The following KCNJ6 variants were observed in gnomAD, a reference collection of about 807,000 sequenced individuals.
KCNJ6 encodes potassium inwardly rectifying channel subfamily J member 6, also known as G protein-activated inward rectifier potassium channel 2.
A neutral mutation model predicts 34.2 loss-of-function variants in KCNJ6; 9 were observed. The ratio of observed to expected loss-of-function variants is 0.26; its 90% CI spans 0.16 to 0.46. The LOEUF (loss-of-function observed/expected upper bound fraction) is 0.46. KCNJ6 is among the 20% of genes least tolerant of loss of function. The probability of loss-of-function intolerance (pLI) is 1.00; values close to 1 mark genes in which losing one functional copy is unlikely to be tolerated. For missense variants in KCNJ6, 236 were observed against 531.3 expected, an observed-to-expected ratio of 0.44 and a Z score of 5.46; for synonymous variants, 196 against 207.1, an observed-to-expected ratio of 0.95 and a Z score of 0.46.
intron 3 of KCNJ6, among the ~76,000 whole-genome samples, chr21:37,692,479 C>T (rs1207109594): frequency 6.6e-6 from 1 of 152,292 alleles, no homozygotes; most frequent in Non-Finnish European, 1.5e-5. Flanking sequence ...AAGGATGTTG[C>T]CTCTATCCCA....
chr21:37,913,043 A>G (rs942348168), intron 1 of KCNJ6, among the ~76,000 whole-genome samples: 2 of 152,158 alleles, frequency 1.3e-5, no homozygotes, highest in Non-Finnish European at 2.9e-5. Context: ...TTCAAAGTAT[A>G]CCTTGTAACA....
intron 3 of KCNJ6, among the ~76,000 whole-genome samples, chr21:37,694,380 G>A (rs540014889): frequency 2.0e-4 from 30 of 152,222 alleles, no homozygotes; most frequent in Non-Finnish European, 3.4e-4. Context: ...GGCATGGCCA[G>A]CTTTGGAGAA....
At chr21:37,705,440 C>T (rs1293881686) in intron 3 of KCNJ6, among the ~76,000 whole-genome samples, 8 of 152,200 alleles carry the variant, frequency 5.3e-5, no homozygotes, top group African/African-American at 1.9e-4. Flanking sequence ...CCATGCAAAA[C>T]ATCTAATAAG....
In KCNJ6 at chr21:37,620,043, G is replaced by T. The variant is rs143448995; in HGVS notation, c.*5116C>A. On this transcript the variant is annotated 3_prime_UTR_variant, in exon 4 of 4. Transcript: ENST00000609713. ...TCTCTTTGACAACCGAAAAAAAAGA[G>T]TTATGTTATTTTGAACAGACTTATG... 10 of 152,188 alleles carry T rather than the reference G, an allele frequency of 6.6e-5. No individual in the cohort carries two copies. Among genetic ancestry groups the T allele is most frequent in the African/African-American group, 2.2e-4 (9 of 41,500 alleles). 9.4% of individuals were successfully genotyped at this position (152,188 alleles called of 1,614,324 possible).
At chr21:37,800,691 C>T (rs1269135540) in intron 2 of KCNJ6, among the ~76,000 whole-genome samples, 1 of 152,202 alleles carries the variant, frequency 6.6e-6, no homozygotes, top group Non-Finnish European at 1.5e-5. Context: ...ATATCATTCT[C>T]TCTGAAGGCA....
At chr21:37,694,025 A>C (rs2054652698) in intron 3 of KCNJ6, among the ~76,000 whole-genome samples, 1 of 152,102 alleles carries the variant, frequency 6.6e-6, no homozygotes, top group African/African-American at 2.4e-5. Flanking sequence ...CTTTTTGTCT[A>C]ACAGTTTTGT....
intron 2 of KCNJ6, among the ~76,000 whole-genome samples, chr21:37,837,916 T>G (rs2055460112): frequency 6.6e-6 from 1 of 152,228 alleles, no homozygotes; most frequent in South Asian, 2.1e-4. Context: ...ATGTTTGGTA[T>G]GTTGACCACA....
At chr21:37,694,460 T>A (rs1414023370) in intron 3 of KCNJ6, among the ~76,000 whole-genome samples, 1 of 152,224 alleles carries the variant, frequency 6.6e-6, no homozygotes, top group Non-Finnish European at 1.5e-5. Context: ...ACATTTTACA[T>A]ATAGGGATTT....
At chr21:37,853,362 C>A (rs1470557198) in intron 1 of KCNJ6, among the ~76,000 whole-genome samples, 1 of 150,748 alleles carries the variant, frequency 6.6e-6, no homozygotes, top group African/African-American at 2.5e-5. Flanking sequence ...GAGGTCAGAA[C>A]AAAATAGCAT....
At chr21:37,747,851 G>A (rs752761563) in intron 2 of KCNJ6, among the ~76,000 whole-genome samples, 27 of 152,196 alleles carry the variant, frequency 1.8e-4, no homozygotes, top group African/African-American at 4.8e-4. Context: ...CTTCTAACCC[G>A]CAGACTTGCC....
intron 2 of KCNJ6, among the ~76,000 whole-genome samples, chr21:37,828,685 G>A (rs550106006): frequency 7.3e-4 from 111 of 152,326 alleles, no homozygotes; most frequent in African/African-American, 2.6e-3. Context: ...TCGTAGCTGC[G>A]CTCTGCGGAG....
At chr21:37,788,397 T>G (rs2055201660) in intron 2 of KCNJ6, among the ~76,000 whole-genome samples, 1 of 152,182 alleles carries the variant, frequency 6.6e-6, no homozygotes, top group Non-Finnish European at 1.5e-5. Context: ...GATTATAATG[T>G]CCTTCTTATT....
chr21:37,838,986 C>CT (rs2055465707), intron 2 of KCNJ6, among the ~76,000 whole-genome samples: 1 of 152,186 alleles, frequency 6.6e-6, no homozygotes, highest in Admixed American at 6.5e-5. Flanking sequence ...ATGCCTGCTC[C>CT]TTTTTTGCCC....
intron 2 of KCNJ6, among the ~76,000 whole-genome samples, chr21:37,729,315 C>A (rs1441887824): frequency 2.1e-5 from 3 of 145,844 alleles, no homozygotes; most frequent in Admixed American, 2.0e-4. Flanking sequence ...ATATTCAATA[C>A]CCTGATTCTT....
chr21:37,614,754 G>C lies in KCNJ6; in HGVS notation c.*10405C>G, dbSNP rs1415751381. 1 of 151,810 alleles carries C rather than the reference G, an allele frequency of 6.6e-6. No homozygotes were observed. The highest frequency in any genetic ancestry group is 6.6e-5 in the Admixed American group (1 of 15,232). 9.4% of individuals were successfully genotyped at this position (151,810 alleles called of 1,614,324 possible). A position where few individuals can be genotyped will look rare whatever the true frequency, so the allele number is the denominator to read the frequency against. ...TGTGTATGCGCATGTCTCTGTATGT[G>C]TGTGTATGCATGTGTCTGTGTGTAT... On this transcript the variant is annotated 3_prime_UTR_variant, in exon 4 of 4. Transcript: ENST00000609713.
At chr21:37,850,706 G>GGT (rs2055533292) in intron 1 of KCNJ6, among the ~76,000 whole-genome samples, 1 of 152,130 alleles carries the variant, frequency 6.6e-6, no homozygotes, top group African/African-American at 2.4e-5. Context: ...CAAGCCCAGT[G>GGT]GTGAGTTTGG....
intron 1 of KCNJ6, among the ~76,000 whole-genome samples, chr21:37,854,783 T>C (rs1401429378): frequency 6.6e-6 from 1 of 152,154 alleles, no homozygotes; most frequent in Non-Finnish European, 1.5e-5. Flanking sequence ...TAAGTACCAA[T>C]ACAATAAAGG....
chr21:37,817,866 A>C (rs2055353981), intron 2 of KCNJ6, among the ~76,000 whole-genome samples: 1 of 152,208 alleles, frequency 6.6e-6, no homozygotes, highest in Non-Finnish European at 1.5e-5. Flanking sequence ...GAGTGGGTAC[A>C]ACAGAACTCT....
chr21:37,813,945 C>T (rs1227583057), intron 2 of KCNJ6, among the ~76,000 whole-genome samples: 2 of 145,442 alleles, frequency 1.4e-5, no homozygotes, highest in Non-Finnish European at 3.1e-5. Flanking sequence ...ATGAAGGAAA[C>T]AATCAACAAA....
Sources: gnomAD v4.1 joint callset for allele counts (sites outside exome capture counted in the v4.1 genomes callset) on GRCh38, gnomAD v4.1.1 for gene constraint, MANE v1.5 for transcripts, NCBI Gene and HGNC (gene_info 2026-07-23, HGNC 2026-07-21) for gene names.